The following DAB1 variants were observed in gnomAD, a reference collection of about 807,000 sequenced individuals.
The protein encoded by DAB1 is disabled homolog 1.
DAB1 carries 15 observed loss-of-function variants against 64.6 expected under a neutral mutation model. The ratio of observed to expected loss-of-function variants is 0.23; its 90% CI spans 0.16 to 0.36. DAB1 has a LOEUF of 0.36. Among genes scored for constraint, DAB1 ranks in the 10% least tolerant of loss-of-function variants. The pLI, the probability that DAB1 is intolerant of heterozygous loss-of-function variation, is 1.00. For missense variants in DAB1, 596 were observed against 706.7 expected, an observed-to-expected ratio of 0.84 and a Z score of 1.78; for synonymous variants, 235 against 251.9, an observed-to-expected ratio of 0.93 and a Z score of 0.64.
intron 6 of DAB1, among the ~76,000 whole-genome samples, chr1:57,695,656 T>C (rs1209299698): frequency 2.6e-5 from 4 of 152,102 alleles, no homozygotes; most frequent in African/African-American, 9.7e-5. Flanking sequence ...TCCCAGCACT[T>C]GGGGAGGCAG....
At chr1:57,908,607 T>G (rs1311877224) in intron 5 of DAB1, among the ~76,000 whole-genome samples, 1 of 122,208 alleles carries the variant, frequency 8.2e-6, no homozygotes, top group Non-Finnish European at 1.7e-5. Context: ...GCAGTCAGAG[T>G]CCTCAGGAAA....
chr1:57,391,766 AACACACACACACAC>A (rs57332880), intron 1 of DAB1, among the ~76,000 whole-genome samples: 37 of 94,648 alleles, frequency 3.9e-4, no homozygotes, highest in African/African-American at 6.9e-4. Context: ...CAGAGGAATA[AACACACACACACAC>A]ACACACACAC....
chr1:58,222,657 C>T (rs183974181), intron 4 of DAB1, among the ~76,000 whole-genome samples: 4 of 152,294 alleles, frequency 2.6e-5, no homozygotes, highest in Admixed American at 2.6e-4. Flanking sequence ...GGTCACACAG[C>T]TAATAAGAGG....
intron 5 of DAB1, among the ~76,000 whole-genome samples, chr1:57,967,121 G>T (rs1645686484): frequency 6.6e-6 from 1 of 152,210 alleles, no homozygotes; most frequent in Non-Finnish European, 1.5e-5. Flanking sequence ...AAGGCCTGTT[G>T]CATAGTGCAG....
In DAB1 at chr1:57,347,950, A is replaced by G. The variant is rs75285299; in HGVS notation, c.-136-56784T>C. ...GGTTCCATCACCCCTCTAAAACTGT[A>G]AGAAAATTCATTTACTTTCATTCTA... On this transcript the variant is annotated intron_variant, in intron 1 of 14. Coordinates refer to ENST00000371236, the MANE Select transcript of DAB1 (RefSeq NM_001365792.1). Among the ~76,000 whole-genome samples, 798 of 152,270 alleles carry G rather than the reference A, an allele frequency of 5.2e-3. 9 individuals carry two copies. Among genetic ancestry groups the G allele is most frequent in the African/African-American group, 0.018 (748 of 41,546 alleles).
intron 6 of DAB1, among the ~76,000 whole-genome samples, chr1:57,738,781 T>C (rs1170274376): frequency 6.6e-6 from 1 of 152,246 alleles, no homozygotes; most frequent in Non-Finnish European, 1.5e-5. Flanking sequence ...ATTTCTTCCA[T>C]GTGCTTCCAC....
chr1:56,994,832 T>C lies in DAB1; in HGVS notation c.*3312A>G, dbSNP rs1289205086. The C allele has an allele frequency of 6.6e-6, 1 of 152,200 alleles. No homozygotes were observed. Among genetic ancestry groups the C allele is most frequent in the Non-Finnish European group, 1.5e-5 (1 of 68,022 alleles). The allele number at this position is 152,200 out of a possible 1,614,324, so 9.4% of individuals were successfully genotyped here. ...AGTTTTACATGGTGTGTTACAGAAATTAATGGAAAATTTCTAAAAATTTTG... is the reference window on the plus strand; with the variant it reads ...AGTTTTACATGGTGTGTTACAGAAACTAATGGAAAATTTCTAAAAATTTTG... On this transcript the variant is annotated 3_prime_UTR_variant, in exon 15 of 15. Coordinates refer to ENST00000371236, the MANE Select transcript of DAB1 (RefSeq NM_001365792.1).
At chr1:58,060,877 C>T (rs749150051) in intron 5 of DAB1, among the ~76,000 whole-genome samples, 3 of 152,248 alleles carry the variant, frequency 2.0e-5, no homozygotes, top group Non-Finnish European at 4.4e-5. Flanking sequence ...CATCTGGTTC[C>T]TCGGCAGGGG....
chr1:57,068,253 A>G (rs1651116119), intron 8 of DAB1, among the ~76,000 whole-genome samples: 1 of 152,188 alleles, frequency 6.6e-6, no homozygotes, highest in Non-Finnish European at 1.5e-5. Context: ...TCTGACACTC[A>G]GGACAAACGC....
At position 57,869,195 on chromosome 1, in the gene DAB1, C is replaced by T. The variant is rs1012344763; in HGVS notation, n.87+14804G>A. Reference sequence around the variant, plus strand: ...TTATCCTTCGTCTCTGAGAGTATTTCCTCATGGGTAAAATGCAGGTAACAA... The same window carrying T: ...TTATCCTTCGTCTCTGAGAGTATTTTCTCATGGGTAAAATGCAGGTAACAA... On this transcript the variant is annotated intron_variant and non_coding_transcript_variant, in intron 1 of 1. Transcript: ENST00000477280. 5.3e-5 allele frequency among the ~76,000 whole-genome samples: 8 copies of T among 152,134 alleles called. No homozygotes were observed. The South Asian group carries it at 1.7e-3, about 32-fold the overall frequency.
intron 1 of DAB1, among the ~76,000 whole-genome samples, chr1:57,840,539 T>G (rs778949553): frequency 6.6e-6 from 1 of 152,052 alleles, no homozygotes; most frequent in Non-Finnish European, 1.5e-5. Flanking sequence ...TACTTGAGAC[T>G]GGGTAATTTA....
At chr1:57,623,123 T>G (rs1444143025) in intron 7 of DAB1, among the ~76,000 whole-genome samples, 1 of 152,178 alleles carries the variant, frequency 6.6e-6, no homozygotes, top group Admixed American at 6.5e-5. Context: ...GAAATCCGTG[T>G]TGGCATGCCA....
At chr1:58,450,749 G>A (rs927266414) in intron 3 of DAB1, among the ~76,000 whole-genome samples, 19 of 150,932 alleles carry the variant, frequency 1.3e-4, no homozygotes, top group Non-Finnish European at 4.4e-5. Flanking sequence ...GCGAGACTCC[G>A]TCTCAAAAAA....
intron 4 of DAB1, among the ~76,000 whole-genome samples, chr1:57,121,454 C>T (rs2100753633): frequency 6.6e-6 from 1 of 152,048 alleles, no homozygotes; most frequent in Non-Finnish European, 1.5e-5. Flanking sequence ...AAATGTCTTG[C>T]AGTGCATGGG....
At chr1:58,345,738 C>T (rs1473726336) in intron 3 of DAB1, among the ~76,000 whole-genome samples, 1 of 152,058 alleles carries the variant, frequency 6.6e-6, no homozygotes, top group Non-Finnish European at 1.5e-5. Flanking sequence ...CCTAAGAGGA[C>T]CTCTGGCCTC....
At chr1:57,150,679 G>A (rs1454253250) in intron 2 of DAB1, among the ~76,000 whole-genome samples, 2 of 152,216 alleles carry the variant, frequency 1.3e-5, no homozygotes. Flanking sequence ...AAGAGCTACA[G>A]AGGAGAGATG....
In DAB1 at chr1:57,796,850, A is replaced by G. The variant is rs182128432; in HGVS notation, n.551+87149T>C. Among the ~76,000 whole-genome samples, 217 of 152,108 alleles carry G rather than the reference A, an allele frequency of 1.4e-3. 6 individuals are homozygous for G. The South Asian group carries it at 0.035, about 25-fold the overall frequency. ...ACCCTCCCTTCACTTTCTACTGGCTATAGATCCCCACATCTGCGTCATATC... is the reference window on the plus strand; with the variant it reads ...ACCCTCCCTTCACTTTCTACTGGCTGTAGATCCCCACATCTGCGTCATATC... On this transcript the variant is annotated intron_variant and non_coding_transcript_variant, in intron 6 of 20. Coordinates refer to the DAB1 transcript ENST00000485760.
intron 3 of DAB1, among the ~76,000 whole-genome samples, chr1:58,498,355 G>C (rs1045262251): frequency 1.3e-5 from 2 of 151,932 alleles, no homozygotes; most frequent in Non-Finnish European, 1.5e-5. Flanking sequence ...GCTCATGAGA[G>C]GTTTAAATTT....
chr1:57,914,832 A>G (rs1188655378), intron 5 of DAB1, among the ~76,000 whole-genome samples: 1 of 152,232 alleles, frequency 6.6e-6, no homozygotes, highest in African/African-American at 2.4e-5. Context: ...AGTATGGTCT[A>G]TGAACTGCAT....
Sources: gnomAD v4.1 joint callset for allele counts (sites outside exome capture counted in the v4.1 genomes callset) on GRCh38, gnomAD v4.1.1 for gene constraint, MANE v1.5 for transcripts, NCBI Gene and HGNC (gene_info 2026-07-23, HGNC 2026-07-21) for gene names.